ACSM3: variants seen among roughly 807,000 people sequenced by gnomAD.
ACSM3 encodes acyl-coenzyme A synthetase ACSM3, mitochondrial.
ACSM3 carries 61 observed loss-of-function variants against 74.1 expected under a neutral mutation model. That is an observed-to-expected ratio of 0.82 (90% CI 0.67 to 1.02). ACSM3 has a LOEUF of 1.02. Among genes scored for constraint, ACSM3 ranks in the 50% least tolerant of loss-of-function variants. ACSM3 has a pLI of 0.00. For missense variants in ACSM3, 660 were observed against 697.0 expected (o/e 0.95, Z 0.60); for synonymous variants, 213 against 241.5 (o/e 0.88, Z 1.09).
At chr16:20,708,273 C>T (rs1054173401) in intron 1 of ACSM3, among the ~76,000 whole-genome samples, 4 of 152,140 alleles carry the variant, frequency 2.6e-5, no homozygotes, top group Non-Finnish European at 5.9e-5. Flanking sequence ...TGCACTCCAG[C>T]CTGGGTGACA....
At chr16:20,786,324 CT>C in intron 9 of ACSM3, 166 bp downstream of exon 9, 1 of 1,341,450 alleles carries the variant, frequency 7.5e-7, no homozygotes, top group South Asian at 1.7e-5. Context: ...ATGTTAGCTT[CT>C]TGGTCTCCAT....
chr16:20,790,783 T>C lies in ACSM3; in HGVS notation c.1326+95T>C, dbSNP rs371304847. 13 of 1,613,242 alleles carry C rather than the reference T, an allele frequency of 8.1e-6. No individual in the cohort carries two copies. The East Asian group carries it at 1.8e-4, about 22-fold the overall frequency. On this transcript the variant is annotated intron_variant, in intron 10 of 13. Coordinates refer to ENST00000289416, the MANE Select transcript of ACSM3 (RefSeq NM_005622.4). The surrounding 1 kb of genome is among the most constrained non-coding windows in gnomAD (Gnocchi z 4.0). ...CACAAAACATACCTAGGATAGGTAC[T>C]TGACCCTTTCTTGAGAGATTGGTTG...
At chr16:20,710,974 T>C (rs992671701) in intron 1 of ACSM3, among the ~76,000 whole-genome samples, 1 of 151,950 alleles carries the variant, frequency 6.6e-6, no homozygotes, top group East Asian at 1.9e-4. Context: ...TAATCCTAGC[T>C]ACTTGGGAGG....
chr16:20,768,720 A>G (rs982078266), intron 1 of ACSM3, among the ~76,000 whole-genome samples: 1 of 152,178 alleles, frequency 6.6e-6, no homozygotes, highest in African/African-American at 2.4e-5. Flanking sequence ...CTGTCGAATG[A>G]CAGTAAAAAC....
intron 2 of ACSM3, among the ~76,000 whole-genome samples, chr16:20,754,974 C>A (rs539351520): frequency 6.6e-6 from 1 of 152,072 alleles, no homozygotes; most frequent in East Asian, 1.9e-4. Context: ...ATTATTGTGA[C>A]GAAGGCTGGG....
chr16:20,786,554 G>A (rs532969291), intron 9 of ACSM3, among the ~76,000 whole-genome samples: 57 of 152,138 alleles, frequency 3.7e-4, no homozygotes, highest in Non-Finnish European at 7.4e-4. Flanking sequence ...ATGGTGGTAC[G>A]TGCCTGTGGT....
Position 20,790,468 on chromosome 16 carries a change from A to AT in ACSM3, c.1225-111dup. On this transcript the variant is annotated intron_variant, in intron 9 of 13. Coordinates refer to ENST00000289416, the MANE Select transcript of ACSM3 (RefSeq NM_005622.4). The surrounding 1 kb of genome is among the most constrained non-coding windows in gnomAD (Gnocchi z 4.0). ...TGAGACCTTGTCTCACACACACAAA[A>AT]TTTTTTTTAAGTCTTCATTTTTAAA... 1.2e-5 allele frequency: 12 copies of AT among 965,378 alleles called. No individual in the cohort carries two copies. Among genetic ancestry groups the AT allele is most frequent in the Non-Finnish European group, 1.9e-5 (12 of 643,864 alleles). The allele number at this position is 965,378 out of a possible 1,614,324, so 59.8% of individuals were successfully genotyped here. A position where few individuals can be genotyped will look rare whatever the true frequency, so the allele number is the denominator to read the frequency against.
intron 1 of ACSM3, among the ~76,000 whole-genome samples, chr16:20,747,820 A>G (rs760301050): frequency 1.2e-4 from 19 of 152,206 alleles, no homozygotes; most frequent in Non-Finnish European, 2.4e-4. Flanking sequence ...TATAAGAAAT[A>G]TAAATTTCAG....
At chr16:20,749,047 C>T (rs908978348) in intron 1 of ACSM3, among the ~76,000 whole-genome samples, 1 of 151,684 alleles carries the variant, frequency 6.6e-6, no homozygotes, top group Admixed American at 6.6e-5. Context: ...GTGACAAGAG[C>T]GAAACTCCGT....
intron 1 of ACSM3, chr16:20,732,872 A>C (rs958614539): frequency 1.3e-5 from 2 of 157,326 alleles, no homozygotes; most frequent in Non-Finnish European, 2.9e-5. Context: ...GGAAAAACGG[A>C]ATCAAATGTC....
intron 1 of ACSM3, chr16:20,737,129 A>G: frequency 6.2e-7 from 1 of 1,614,164 alleles, no homozygotes; most frequent in Non-Finnish European, 8.5e-7. Flanking sequence ...ACGGATCCTT[A>G]GGGCTCTTCA....
intron 1 of ACSM3, among the ~76,000 whole-genome samples, chr16:20,705,303 G>A (rs762284010): frequency 2.6e-5 from 4 of 151,296 alleles, no homozygotes; most frequent in East Asian, 3.9e-4. Flanking sequence ...AACCCGGGAG[G>A]TGGAGCTTGC....
At position 20,682,540 on chromosome 16, in the gene ACSM3, G is replaced by C. The variant is rs9927399; in HGVS notation, c.-190+7718G>C. ...GCTTTAGACTTGGCTTGTCTGCATCGAAATACCCTAACTTCTTGTTATGTA... is the reference window on the plus strand; with the variant it reads ...GCTTTAGACTTGGCTTGTCTGCATCCAAATACCCTAACTTCTTGTTATGTA... On this transcript the variant is annotated intron_variant, in intron 1 of 3. Transcript: ENST00000561584. 4 of 1,144,128 alleles carry C rather than the reference G, an allele frequency of 3.5e-6. No individual in the cohort carries two copies. In the East Asian group the frequency reaches 9.7e-5, roughly 28 times the overall value. The allele number at this position is 1,144,128 out of a possible 1,614,324, so 70.9% of individuals were successfully genotyped here.
chr16:20,741,480 G>GGGGGGGGGGGGGGGGGC, intron 1 of ACSM3: 1 of 1,340,424 alleles, frequency 7.5e-7, no homozygotes, highest in Non-Finnish European at 9.7e-7. Flanking sequence ...CCTGGCAGCC[G>GGGGGGGGGGGGGGGGGC]GCCCGCCCGC....
intron 1 of ACSM3, among the ~76,000 whole-genome samples, chr16:20,677,878 G>A (rs201097543): frequency 6.6e-6 from 1 of 152,018 alleles, no homozygotes; most frequent in Non-Finnish European, 1.5e-5. Context: ...GAAAAAAAAG[G>A]CTTTTAACTG....
Position 20,786,162 on chromosome 16 carries a change from T to G in ACSM3, c.1224+4T>G. 1 of 1,609,116 alleles carries G rather than the reference T, an allele frequency of 6.2e-7. No individual in the cohort carries two copies. The highest frequency in any genetic ancestry group is 8.5e-7 in the Non-Finnish European group (1 of 1,177,790). Reference sequence around the variant, plus strand: ...TTCTCCTGCTTTCGATGTTAAGGTTTGCACATCCCCTTCCAGGAGAATGTT... The same window carrying G: ...TTCTCCTGCTTTCGATGTTAAGGTTGGCACATCCCCTTCCAGGAGAATGTT... On this transcript the variant is annotated splice_donor_region_variant and intron_variant, in intron 9 of 13. Transcript: ENST00000289416.
intron 1 of ACSM3, among the ~76,000 whole-genome samples, chr16:20,768,217 A>C (rs1198680595): frequency 6.6e-6 from 1 of 152,166 alleles, no homozygotes. Context: ...CCATTGGTAA[A>C]ATGTGAAACT....
chr16:20,685,586 T>C (rs4783458), intron 1 of ACSM3, among the ~76,000 whole-genome samples: 92,446 of 151,576 alleles, frequency 0.61, 29,512 homozygotes, highest in Non-Finnish European at 0.72. Flanking sequence ...CTTTAGGAGG[T>C]GGAGGCAGGT....
chr16:20,713,861 A>C (rs1026807776), intron 1 of ACSM3, among the ~76,000 whole-genome samples: 1 of 152,192 alleles, frequency 6.6e-6, no homozygotes, highest in African/African-American at 2.4e-5. Context: ...TTTCTCTAAA[A>C]ACTAGGGAAG....
Sources: allele counts gnomAD v4.1 joint callset (sites outside exome capture counted in the v4.1 genomes callset), GRCh38; gene constraint gnomAD v4.1.1; non-coding constraint Gnocchi (gnomAD v3.1); transcripts MANE v1.5; gene names NCBI Gene and HGNC (gene_info 2026-07-23, HGNC 2026-07-21).